SREBF2: variants seen among roughly 807,000 people sequenced by gnomAD.
SREBF2 encodes the protein sterol regulatory element binding transcription factor 2.
SREBF2 carries 55 observed loss-of-function variants against 113.1 expected under a neutral mutation model. The ratio of observed to expected loss-of-function variants is 0.49; its 90% CI spans 0.39 to 0.61. The LOEUF (loss-of-function observed/expected upper bound fraction) is 0.61. Among genes scored for constraint, SREBF2 ranks in the 20% least tolerant of loss-of-function variants. The pLI is 0.00. For missense variants in SREBF2, 1,349 were observed against 1,487.4 expected, an observed-to-expected ratio of 0.91 and a Z score of 1.53; for synonymous variants, 593 against 605.7, an observed-to-expected ratio of 0.98 and a Z score of 0.31.
chr22:41,863,674 A>C (rs543637364), intron 1 of SREBF2, among the ~76,000 whole-genome samples: 1 of 152,254 alleles, frequency 6.6e-6, no homozygotes, highest in South Asian at 2.1e-4. Context: ...AGGCTGAGTG[A>C]GGACAGAGCT....
At chr22:41,835,052 C>T (rs2076756862) in intron 1 of SREBF2, among the ~76,000 whole-genome samples, 1 of 152,104 alleles carries the variant, frequency 6.6e-6, no homozygotes, top group African/African-American at 2.4e-5. Context: ...TCTATAGCTG[C>T]CTACCTGCAA....
At chr22:41,896,936 G>T in intron 13 of SREBF2, 116 bp from the exon 14 acceptor site, 1 of 726,706 alleles carries the variant, frequency 1.4e-6, no homozygotes. Context: ...TGGGATGACA[G>T]GAAAGGGACA....
At chr22:41,900,034 G>C (rs1292573898) in intron 15 of SREBF2, 21 of 1,328,098 alleles carry the variant, frequency 1.6e-5, no homozygotes, top group Non-Finnish European at 1.9e-5. Context: ...GGAAACTGAG[G>C]CACACGTTGG....
chr22:41,852,709 T>C (rs1193031634), intron 1 of SREBF2, among the ~76,000 whole-genome samples: 1 of 146,342 alleles, frequency 6.8e-6, no homozygotes, highest in Admixed American at 6.8e-5. Context: ...ATTCCAGCCA[T>C]TCTCATACTC....
rs929136292 is a variant in SREBF2 at position 41,837,435 on chromosome 22, A to G, written c.88+4077A>G. Among the ~76,000 whole-genome samples, 17 of 151,598 alleles carry G rather than the reference A, an allele frequency of 1.1e-4. No homozygotes were observed. The East Asian group carries it at 3.3e-3, about 29-fold the overall frequency. ...TAGCCGGGCATGGTGGTACACGCCT[A>G]TAGTCCCAGCAACCCAGGAGGCAGA... On this transcript the variant is annotated intron_variant, in intron 1 of 18. Coordinates refer to ENST00000361204, the MANE Select transcript of SREBF2 (RefSeq NM_004599.4).
Position 41,898,640 on chromosome 22 carries a change from C to T in SREBF2, c.2606-9C>T. On this transcript the variant is annotated splice_polypyrimidine_tract_variant and intron_variant, in intron 14 of 18. Coordinates refer to ENST00000361204, the MANE Select transcript of SREBF2 (RefSeq NM_004599.4). Reference sequence around the variant, plus strand: ...GTGCTGGAGTGCGTTTGGTGCTGTTCTCCTCTAGGTCCAGACATCATCTGT... The same window carrying T: ...GTGCTGGAGTGCGTTTGGTGCTGTTTTCCTCTAGGTCCAGACATCATCTGT... 15 of 1,613,876 alleles carry T rather than the reference C, an allele frequency of 9.3e-6. No individual in the cohort carries two copies. Among genetic ancestry groups the T allele is most frequent in the Non-Finnish European group, 1.3e-5 (15 of 1,179,942 alleles).
chr22:41,867,578 G>A (rs762916365), intron 2 of SREBF2, among the ~76,000 whole-genome samples: 22 of 152,120 alleles, frequency 1.4e-4, no homozygotes, highest in Non-Finnish European at 2.2e-4. Context: ...AGGCCAAGGC[G>A]GGCGGATCAC....
chr22:41,899,919 A>G, intron 15 of SREBF2: 1 of 1,134,338 alleles, frequency 8.8e-7, no homozygotes, highest in South Asian at 2.1e-5. Context: ...TCCTCTACAG[A>G]AAGAAGCTAA....
intron 3 of SREBF2, among the ~76,000 whole-genome samples, chr22:41,869,597 C>A (rs989418982): frequency 1.2e-3 from 184 of 151,568 alleles, no homozygotes; most frequent in African/African-American, 4.2e-3. Flanking sequence ...GATTCTCCTG[C>A]CTCAGCCTCC....
At chr22:41,853,567 G>A (rs888730959) in intron 1 of SREBF2, among the ~76,000 whole-genome samples, 1 of 152,154 alleles carries the variant, frequency 6.6e-6, no homozygotes, top group African/African-American at 2.4e-5. Flanking sequence ...TCTGTGCCTG[G>A]TACACAGTGG....
chr22:41,875,234 C>A (rs937648387), intron 5 of SREBF2, 103 bp from the exon 6 acceptor site: 2 of 950,500 alleles, frequency 2.1e-6, no homozygotes, highest in African/African-American at 3.2e-5. Context: ...CTTGGTTTCT[C>A]CTCTCACAGA....
At chr22:41,864,028 G>A (rs1448887739) in intron 1 of SREBF2, among the ~76,000 whole-genome samples, 2 of 150,364 alleles carry the variant, frequency 1.3e-5, no homozygotes, top group African/African-American at 4.9e-5. Flanking sequence ...GGGATTACAG[G>A]CACCCACCAC....
intron 1 of SREBF2, among the ~76,000 whole-genome samples, chr22:41,844,923 G>C (rs974252997): frequency 6.9e-6 from 1 of 144,284 alleles, no homozygotes; most frequent in Non-Finnish European, 1.5e-5. Context: ...ATTGAGGCTT[G>C]ATTTCCACCC....
At chr22:41,879,676 G>A (rs949584646) in intron 9 of SREBF2, among the ~76,000 whole-genome samples, 1 of 152,214 alleles carries the variant, frequency 6.6e-6, no homozygotes, top group South Asian at 2.1e-4. Context: ...GTCCTGTAAT[G>A]ATGTGGGAAA....
chr22:41,903,174 G>A lies in SREBF2; in HGVS notation c.3093+19G>A, dbSNP rs1293195864. The A allele has an allele frequency of 6.5e-7, 1 of 1,547,502 alleles. No homozygotes were observed. The highest frequency in any genetic ancestry group is 1.4e-5 in the African/African-American group (1 of 73,174). ...CCGCAAGGTGAGGCCCAGCTGGCTG[G>A]TGGGGCAGGGCAGATTGGAGCCTGT... On this transcript the variant is annotated intron_variant, in intron 17 of 18. Transcript: ENST00000361204.
chr22:41,898,173 C>T (rs1255917715), intron 14 of SREBF2, among the ~76,000 whole-genome samples: 8 of 152,218 alleles, frequency 5.3e-5, no homozygotes, highest in Admixed American at 6.5e-5. Flanking sequence ...TGCAATGGCA[C>T]GATCTCGGCT....
intron 1 of SREBF2, among the ~76,000 whole-genome samples, chr22:41,862,782 C>T (rs1003380235): frequency 3.9e-5 from 6 of 152,344 alleles, no homozygotes; most frequent in Middle Eastern, 3.4e-3. Flanking sequence ...TCCCATCACT[C>T]CTTTCTGCAG....
intron 11 of SREBF2, among the ~76,000 whole-genome samples, chr22:41,887,048 C>T (rs989444362): frequency 4.6e-5 from 7 of 151,722 alleles, no homozygotes; most frequent in African/African-American, 1.5e-4. Flanking sequence ...TAAATACATA[C>T]GTACATACAA....
intron 1 of SREBF2, among the ~76,000 whole-genome samples, chr22:41,845,646 G>A (rs996430291): frequency 6.6e-6 from 1 of 152,200 alleles, no homozygotes; most frequent in Non-Finnish European, 1.5e-5. Flanking sequence ...GGAGGACTGA[G>A]GAAGGGAATT....
Sources: gnomAD v4.1 joint callset for allele counts (sites outside exome capture counted in the v4.1 genomes callset) on GRCh38, gnomAD v4.1.1 for gene constraint, MANE v1.5 for transcripts, NCBI Gene and HGNC (gene_info 2026-07-23, HGNC 2026-07-21) for gene names.